RBFOX1: variants seen among roughly 807,000 people sequenced by gnomAD.
RBFOX1 encodes RNA binding fox-1 homolog 1.
RBFOX1 carries 8 observed loss-of-function variants against 57.7 expected under a neutral mutation model. The observed-to-expected ratio is 0.14, with a 90% CI of 0.08 to 0.25. The LOEUF (loss-of-function observed/expected upper bound fraction) is 0.25, where lower values mean the gene tolerates loss of function less well. RBFOX1 is among the 10% of genes least tolerant of loss of function. The pLI, the probability that RBFOX1 is intolerant of heterozygous loss-of-function variation, is 1.00. For missense variants in RBFOX1, 611 were observed against 548.5 expected, an observed-to-expected ratio of 1.11 and a Z score of -1.14; for synonymous variants, 326 against 222.4, an observed-to-expected ratio of 1.47 and a Z score of -4.15.
chr16:6,100,712 T>C (rs1211192747), intron 1 of RBFOX1, among the ~76,000 whole-genome samples: 1 of 152,226 alleles, frequency 6.6e-6, no homozygotes, highest in Non-Finnish European at 1.5e-5. Flanking sequence ...TTATTGTTTC[T>C]GTGTTTTAAA....
intron 4 of RBFOX1, among the ~76,000 whole-genome samples, chr16:7,394,063 C>G (rs1329275305): frequency 6.6e-6 from 1 of 151,592 alleles, no homozygotes; most frequent in Admixed American, 6.6e-5. Context: ...TGGTGAAACC[C>G]CATCTCTACG....
chr16:7,460,389 A>ATATATATATATATGTGTG lies in RBFOX1; in HGVS notation c.28-57757_28-57756insATATATATATATGTGTGT. ...TAGCAAAATATATATATATATATAT[A>ATATATATATATATGTGTG]TGTGTGTGTGTGTGTGTGTGTGTGT... On this transcript the variant is annotated intron_variant, in intron 4 of 15. Coordinates refer to ENST00000550418, the MANE Select transcript of RBFOX1 (RefSeq NM_018723.4). Among the ~76,000 whole-genome samples, 40 of 87,200 alleles carry ATATATATATATATGTGTG rather than the reference A, an allele frequency of 4.6e-4. 1 individual carries two copies. The East Asian group carries it at 6.8e-3, about 15-fold the overall frequency. The allele number at this position is 87,200 out of a possible 152,430, so 57.2% of individuals were successfully genotyped here. A position where few individuals can be genotyped will look rare whatever the true frequency, so the allele number is the denominator to read the frequency against.
At chr16:6,242,181 A>G (rs1158770115) in intron 1 of RBFOX1, among the ~76,000 whole-genome samples, 1 of 152,128 alleles carries the variant, frequency 6.6e-6, no homozygotes, top group Non-Finnish European at 1.5e-5. Context: ...TGTACATGTT[A>G]TATGCATATA....
chr16:6,448,156 C>CTTTTTTTTTTTTTTTTTTTTTT (rs397969435), intron 2 of RBFOX1, among the ~76,000 whole-genome samples: 12 of 78,470 alleles, frequency 1.5e-4, no homozygotes, highest in Non-Finnish European at 2.0e-4. Flanking sequence ...TCTTTTCTTT[C>CTTTTTTTTTTTTTTTTTTTTTT]TTTTTTTTTT....
At chr16:6,894,465 C>A (rs890649412) in intron 3 of RBFOX1, among the ~76,000 whole-genome samples, 1 of 152,144 alleles carries the variant, frequency 6.6e-6, no homozygotes, top group African/African-American at 2.4e-5. Context: ...CCTTTATTAT[C>A]TTTTGGTTGG....
At chr16:6,662,864 C>T (rs1189354358) in intron 3 of RBFOX1, among the ~76,000 whole-genome samples, 1 of 152,096 alleles carries the variant, frequency 6.6e-6, no homozygotes, top group Non-Finnish European at 1.5e-5. Flanking sequence ...TATTTCTTTT[C>T]TTTAAAACAA....
Position 6,227,951 on chromosome 16 carries a change from G to C in RBFOX1, c.-126-89044G>C, listed in dbSNP as rs139039489. On this transcript the variant is annotated intron_variant, in intron 1 of 15. Coordinates refer to ENST00000550418, the MANE Select transcript of RBFOX1 (RefSeq NM_018723.4). The stretch of plus-strand genomic sequence containing the variant: ...CTCACTGCTGGATTATACATCCAAA[G>C]AAAATGAAATCAATATATCGGAGAG... 1.4e-3 allele frequency among the ~76,000 whole-genome samples: 216 copies of C among 152,290 alleles called. 1 individual carries two copies. Among genetic ancestry groups the C allele is most frequent in the Middle Eastern group, 3.4e-3 (1 of 294 alleles).
intron 3 of RBFOX1, chr16:6,776,042 C>G (rs902150861): frequency 3.3e-5 from 5 of 152,132 alleles, no homozygotes; most frequent in Non-Finnish European, 5.9e-5. Flanking sequence ...ACTTTACTTT[C>G]TTGGATCATA....
chr16:5,713,662 G>T (rs2051577489), intron 3 of RBFOX1, among the ~76,000 whole-genome samples: 2 of 152,178 alleles, frequency 1.3e-5, no homozygotes. Flanking sequence ...CACACAGCAG[G>T]TTATGATTTT....
chr16:7,315,441 G>C (rs1433139140), intron 4 of RBFOX1, among the ~76,000 whole-genome samples: 2 of 139,920 alleles, frequency 1.4e-5, no homozygotes, highest in African/African-American at 5.8e-5. Context: ...AATGATTAAA[G>C]CCCTACTCTA....
intron 3 of RBFOX1, among the ~76,000 whole-genome samples, chr16:6,984,045 C>G (rs1031115539): frequency 1.3e-5 from 2 of 152,052 alleles, no homozygotes; most frequent in Non-Finnish European, 2.9e-5. Flanking sequence ...GTCAGGAGTT[C>G]AAGACCTGTC....
intron 4 of RBFOX1, among the ~76,000 whole-genome samples, chr16:7,301,763 A>G (rs1399732141): frequency 6.6e-6 from 1 of 152,204 alleles, no homozygotes; most frequent in Admixed American, 6.5e-5. Context: ...AATAAAGGAA[A>G]GCAGTGCGAA....
chr16:6,391,402 G>C (rs1003402708), intron 2 of RBFOX1, among the ~76,000 whole-genome samples: 5 of 151,780 alleles, frequency 3.3e-5, no homozygotes, highest in African/African-American at 1.2e-4. Context: ...CCCAGCTACT[G>C]GGGAGGCTGA....
rs1171064307 is a variant in RBFOX1, at chr16:5,512,444, CTCT to C, written c.258+45195_258+45197del. On this transcript the variant is annotated intron_variant, in intron 2 of 2. Coordinates refer to the RBFOX1 transcript ENST00000585867. ...TCTCTCTCTCTCTCTGTCTCTCTCTCTCTTCTTTCATTATGTGGATAAGTGTGT... is the reference window on the plus strand; with the variant it reads ...TCTCTCTCTCTCTCTGTCTCTCTCTCTCTTTCATTATGTGGATAAGTGTGT... Among the ~76,000 whole-genome samples the C allele has an allele frequency of 6.0e-5, 9 of 150,404 alleles. No homozygotes were observed. The South Asian group carries it at 1.1e-3, about 18-fold the overall frequency.
chr16:6,451,874 A>G (rs2094633936), intron 2 of RBFOX1, among the ~76,000 whole-genome samples: 1 of 149,040 alleles, frequency 6.7e-6, no homozygotes, highest in South Asian at 2.1e-4. Flanking sequence ...CCTTCCTTCC[A>G]TGACTCCATC....
chr16:5,684,696 G>A (rs776664666), intron 3 of RBFOX1, among the ~76,000 whole-genome samples: 2 of 152,148 alleles, frequency 1.3e-5, no homozygotes, highest in East Asian at 1.9e-4. Flanking sequence ...GCAGGGAGCC[G>A]TTGAAGCTAT....
intron 3 of RBFOX1, among the ~76,000 whole-genome samples, chr16:6,875,856 GTCATGGTGGT>G (rs2061740994): frequency 1.3e-5 from 2 of 152,090 alleles, no homozygotes; most frequent in South Asian, 4.1e-4. Context: ...AAATTAGCCA[GTCATGGTGGT>G]CCATGCGTGG....
intron 5 of RBFOX1, among the ~76,000 whole-genome samples, chr16:7,528,091 C>G (rs2079101826): frequency 1.3e-5 from 2 of 152,194 alleles, no homozygotes; most frequent in Admixed American, 6.5e-5. Flanking sequence ...AAGGAAATGA[C>G]TGAAGTTTTG....
intron 1 of RBFOX1, among the ~76,000 whole-genome samples, chr16:6,252,788 A>T (rs1187400607): frequency 6.6e-6 from 1 of 152,206 alleles, no homozygotes; most frequent in African/African-American, 2.4e-5. Flanking sequence ...AATTCTGCGT[A>T]GGGAATTAGC....
Sources: gnomAD v4.1 joint callset for allele counts (sites outside exome capture counted in the v4.1 genomes callset) on GRCh38, gnomAD v4.1.1 for gene constraint, MANE v1.5 for transcripts, NCBI Gene and HGNC (gene_info 2026-07-23, HGNC 2026-07-21) for gene names.